The following KMT2A variants were observed in gnomAD, a reference collection of about 807,000 sequenced individuals.
KMT2A encodes lysine methyltransferase 2A, also known as histone-lysine N-methyltransferase 2A.
In KMT2A, 16 loss-of-function variants were observed where a neutral mutation model predicts 345.3. The ratio of observed to expected loss-of-function variants is 0.05; its 90% CI spans 0.03 to 0.07. The LOEUF (loss-of-function observed/expected upper bound fraction) is 0.07, where lower values mean the gene tolerates loss of function less well. Ranked by LOEUF, KMT2A falls within the 10% of genes least tolerant of loss-of-function variation. The pLI is 1.00. For synonymous variants in KMT2A, 1,599 were observed against 1,778.6 expected (o/e 0.90, Z 2.54); for missense variants, 3,272 against 4,841.6 (o/e 0.68, Z 9.62).
In KMT2A at chr11:118,502,616, A is replaced by C; in HGVS notation, c.6724A>C (p.Ser2242Arg). The C allele has an allele frequency of 1.2e-6, 2 of 1,614,190 alleles. No homozygotes were observed. The highest frequency in any genetic ancestry group is 1.7e-6 in the Non-Finnish European group (2 of 1,180,028). ...TTGTATDLES[S>R]AKVVDHVLGP... ...CGGGACCGCTACTGATCTTGAATCA[A>C]GTGCCAAAGTAGTTGATCATGTCTT... is the stretch of plus-strand genomic sequence containing the variant. The change falls in exon 27 of 36, where the codon AGT (serine) becomes CGT (arginine). Residue 2242 changes from serine (S) to arginine (R), a missense_variant. Ser to Arg is a moderately radical substitution (Grantham distance 110). Transcript: ENST00000534358. The surrounding 1 kb of genome is among the most constrained non-coding windows in gnomAD (Gnocchi z 4.9).
chr11:118,520,511 C>T lies in KMT2A; in HGVS notation c.11430-291C>T. On this transcript the variant is annotated intron_variant, in intron 33 of 35. Coordinates refer to ENST00000534358, the MANE Select transcript of KMT2A (RefSeq NM_001197104.2). This position sits in a 1 kb window ranked among gnomAD's most constrained non-coding sequence, Gnocchi z 4.3. ...ACTAAAAATACAAAAATTAGCCCGG[C>T]GTGGTGGCGCGCGCCTGTAGTCCCA... 3 of 385,652 alleles carry T rather than the reference C, an allele frequency of 7.8e-6. No individual in the cohort carries two copies. The highest frequency in any genetic ancestry group is 3.9e-5 in the Admixed American group (1 of 25,406). 23.9% of individuals were successfully genotyped at this position (385,652 alleles called of 1,614,324 possible).
chr11:118,497,794 A>T lies in KMT2A; in HGVS notation c.5665-142A>T, dbSNP rs1950433611. 4.8e-6 allele frequency: 3 copies of T among 624,040 alleles called. No homozygotes were observed. The highest frequency in any genetic ancestry group is 8.4e-6 in the Non-Finnish European group (3 of 358,606). The allele number at this position is 624,040 out of a possible 1,614,324, so 38.7% of individuals were successfully genotyped here. On this transcript the variant is annotated intron_variant, in intron 20 of 35. Transcript: ENST00000534358. The surrounding 1 kb of genome is among the most constrained non-coding windows in gnomAD (Gnocchi z 4.8). ...GGAAACAGAGCAACGTTGCAAAAAG[A>T]ATTCTGATTTCTGTGTGCCTCCCTC...
chr11:118,511,181 C>T (rs1471011449), intron 30 of KMT2A, among the ~76,000 whole-genome samples: 2 of 152,002 alleles, frequency 1.3e-5, no homozygotes, highest in East Asian at 3.9e-4. Context: ...TGGAGATGCT[C>T]AAAGACGAGA....
In KMT2A at chr11:118,503,744, A is replaced by C; in HGVS notation, c.7852A>C (p.Arg2618=). 1 of 1,614,176 alleles carries C rather than the reference A, an allele frequency of 6.2e-7. No homozygotes were observed. Among genetic ancestry groups the C allele is most frequent in the South Asian group, 1.1e-5 (1 of 91,076 alleles). ...TCAGGAGGATGGCTCTTTTAAAAGG[A>C]GGTATCCCCGTCGCAGTGCCCGTGC... The part of the protein sequence containing the change: ...KPQEDGSFKR[R]YPRRSARARS... Residue 2618 remains arginine (R), a synonymous_variant, in exon 27 of 36, where the codon AGG becomes CGG. Transcript: ENST00000534358. The surrounding 1 kb of genome is among the most constrained non-coding windows in gnomAD (Gnocchi z 5.3).
chr11:118,473,752 G>A lies in KMT2A; in HGVS notation c.2593G>A (p.Asp865Asn). 1 of 1,613,982 alleles carries A rather than the reference G, an allele frequency of 6.2e-7. No homozygotes were observed. The highest frequency in any genetic ancestry group is 8.5e-7 in the Non-Finnish European group (1 of 1,179,920). Residue 865 changes from aspartate (D) to asparagine (N), a missense_variant, in exon 3 of 36, where the codon GAC (aspartate) becomes AAC (asparagine). Coordinates refer to ENST00000534358, the MANE Select transcript of KMT2A (RefSeq NM_001197104.2). This position sits in a 1 kb window ranked among gnomAD's most constrained non-coding sequence, Gnocchi z 5.2. ...GGAGCTGTCCAAAGATCGAGATGCT[G>A]ACAAGAGCGTGGAGAAGGACAAGAG... ...PEELSKDRDA[D>N]KSVEKDKSRE...
chr11:118,489,659 T>C, intron 11 of KMT2A, 133 bp from the exon 12 acceptor site: 2 of 686,318 alleles, frequency 2.9e-6, no homozygotes, highest in South Asian at 3.6e-5. Context: ...GAGTAAATAA[T>C]GTATGAGGAA....
At position 118,504,351 on chromosome 11, in the gene KMT2A, A is replaced by G. The variant is rs1555047216; in HGVS notation, c.8459A>G (p.Asp2820Gly). 6.2e-7 allele frequency: 1 copy of G among 1,614,218 alleles called. No individual in the cohort carries two copies. Among genetic ancestry groups the G allele is most frequent in the Admixed American group, 1.7e-5 (1 of 60,026 alleles). The change falls in exon 27 of 36, where the codon GAC becomes GGC. Residue 2820 changes from aspartate to glycine, a missense_variant. Physicochemically the swap from Asp to Gly is moderately conservative, Grantham distance 94. Coordinates refer to ENST00000534358, the MANE Select transcript of KMT2A (RefSeq NM_001197104.2). This position sits in a 1 kb window ranked among gnomAD's most constrained non-coding sequence, Gnocchi z 6.4. Reference protein sequence around the residue: ...SRRVHTSTPSDKNLLDTYNTE... With the variant: ...SRRVHTSTPSGKNLLDTYNTE... Reference sequence around the variant, plus strand: ...AGAGTCCACACAAGTACCCCCTCCGACAAAAATTTACTGGACACCTATAAT... The same window carrying G: ...AGAGTCCACACAAGTACCCCCTCCGGCAAAAATTTACTGGACACCTATAAT...
intron 1 of KMT2A, among the ~76,000 whole-genome samples, chr11:118,457,170 T>C (rs1949659719): frequency 6.6e-6 from 1 of 151,572 alleles, no homozygotes; most frequent in Non-Finnish European, 1.5e-5. Flanking sequence ...TAATCTGCTA[T>C]AGCCTTCAGG....
rs1555043936 is a variant in KMT2A at position 118,496,310 on chromosome 11, C to T, written c.5607C>T (p.Gly1869=). Residue 1869 remains glycine (G), a synonymous_variant, in exon 20 of 36, where the codon GGC becomes GGT. Transcript: ENST00000534358. The surrounding 1 kb of genome is among the most constrained non-coding windows in gnomAD (Gnocchi z 4.7). ...EDSPELNPPP[G]IEDNRQCALC... ...GTCCAGAGCTGAACCCACCCCCAGG[C>T]ATAGAAGACAATAGACAGTGTGCGT... 6.2e-7 allele frequency: 1 copy of T among 1,613,882 alleles called. No homozygotes were observed. Among genetic ancestry groups the T allele is most frequent in the African/African-American group, 1.3e-5 (1 of 75,008 alleles).
rs2134400198 is a variant in KMT2A, at chr11:118,504,583, T to C, written c.8691T>C (p.Phe2897=). The change falls in exon 27 of 36, where the codon TTT becomes TTC. Residue 2897 remains phenylalanine, a synonymous_variant. Coordinates refer to ENST00000534358, the MANE Select transcript of KMT2A (RefSeq NM_001197104.2). The surrounding 1 kb of genome is among the most constrained non-coding windows in gnomAD (Gnocchi z 6.4). ...DSNREKDMGL[F]EVFSQQLPTT... ...ATCGTGAAAAAGACATGGGTCTTTT[T>C]GAAGTATTTTCTCAGCAGCTGCCTA... is the stretch of plus-strand genomic sequence containing the variant. 1 of 1,614,212 alleles carries C rather than the reference T, an allele frequency of 6.2e-7. No homozygotes were observed. The highest frequency in any genetic ancestry group is 8.5e-7 in the Non-Finnish European group (1 of 1,180,040).
intron 5 of KMT2A, 58 bp downstream of exon 5, chr11:118,478,259 A>G: frequency 7.5e-7 from 1 of 1,326,650 alleles, no homozygotes; most frequent in Non-Finnish European, 1.1e-6. Flanking sequence ...TTGCTTATTT[A>G]TCCCTAGTTT....
At position 118,505,693 on chromosome 11, in the gene KMT2A, T is replaced by C; in HGVS notation, c.9801T>C (p.Asn3267=). ...ACTTCACACCCTCCCAGCTTCCTAA[T>C]CATCCAAGTCTGTTAGATTTGGGGT... is the stretch of plus-strand genomic sequence containing the variant. ...LINFTPSQLP[N]HPSLLDLGSL... is the part of the protein sequence containing the mutation. Residue 3267 remains asparagine, a synonymous_variant, in exon 27 of 36, where the codon AAT becomes AAC. Coordinates refer to ENST00000534358, the MANE Select transcript of KMT2A (RefSeq NM_001197104.2). The surrounding 1 kb of genome is among the most constrained non-coding windows in gnomAD (Gnocchi z 4.6). 1 of 1,614,194 alleles carries C rather than the reference T, an allele frequency of 6.2e-7. No individual in the cohort carries two copies. The highest frequency in any genetic ancestry group is 8.5e-7 in the Non-Finnish European group (1 of 1,180,022).
chr11:118,455,308 C>T (rs1555030465), intron 1 of KMT2A, among the ~76,000 whole-genome samples: 1 of 152,134 alleles, frequency 6.6e-6, no homozygotes, highest in African/African-American at 2.4e-5. Context: ...CAAACAGTAC[C>T]TGGCAATACT....
At position 118,506,490 on chromosome 11, in the gene KMT2A, T is replaced by G. The variant is rs1187153915; in HGVS notation, c.10598T>G (p.Val3533Gly). 6.2e-7 allele frequency: 1 copy of G among 1,614,082 alleles called. No individual in the cohort carries two copies. The highest frequency in any genetic ancestry group is 8.5e-7 in the Non-Finnish European group (1 of 1,180,046). The change falls in exon 27 of 36, where the codon GTG (valine) becomes GGG (glycine). Residue 3533 changes from valine (V) to glycine (G), a missense_variant. Around this residue, in one of 27 missense-constraint regions of KMT2A, gnomAD observed 748 missense variants for 922.2 expected, o/e 0.81. Transcript: ENST00000534358. The part of the protein sequence containing the change: ...SSGQRSASPS[V>G]PGPTKPKPKT... The stretch of plus-strand genomic sequence containing the variant: ...GGACAGCGGTCAGCAAGCCCTTCAG[T>G]GCCGGGTCCCACTAAACCCAAACCA...
Position 118,521,185 on chromosome 11 carries a change from C to A in KMT2A, c.11514-103C>A. ...AATTTTTATTTTCTCAAGTATATGTCCCTCCTGGGGAACTAACAGACCAGG... is the reference window on the plus strand; with the variant it reads ...AATTTTTATTTTCTCAAGTATATGTACCTCCTGGGGAACTAACAGACCAGG... On this transcript the variant is annotated intron_variant, in intron 34 of 35. Transcript: ENST00000534358. The surrounding 1 kb of genome is among the most constrained non-coding windows in gnomAD (Gnocchi z 5.3). 1 of 1,272,492 alleles carries A rather than the reference C, an allele frequency of 7.9e-7. No homozygotes were observed. The highest frequency in any genetic ancestry group is 1.1e-6 in the Non-Finnish European group (1 of 905,090). The allele number at this position is 1,272,492 out of a possible 1,614,324, so 78.8% of individuals were successfully genotyped here.
chr11:118,483,390 C>T (rs985119237), intron 8 of KMT2A, among the ~76,000 whole-genome samples: 4 of 151,020 alleles, frequency 2.6e-5, no homozygotes, highest in African/African-American at 9.7e-5. Context: ...AAAATTAGCC[C>T]GGCGAGGTGG....
chr11:118,457,257 CTTTTTTTTT>C (rs782636684), intron 1 of KMT2A, among the ~76,000 whole-genome samples: 2 of 89,072 alleles, frequency 2.2e-5, no homozygotes, highest in Non-Finnish European at 4.1e-5. Context: ...CACCTCCTGC[CTTTTTTTTT>C]TTTTTTTTTT....
At chr11:118,461,768 T>A (rs1555032743) in intron 1 of KMT2A, among the ~76,000 whole-genome samples, 2 of 152,194 alleles carry the variant, frequency 1.3e-5, no homozygotes, top group Non-Finnish European at 1.5e-5. Flanking sequence ...TTGTCTTTTT[T>A]ATACACATAT....
Position 118,506,115 on chromosome 11 carries a change from T to G in KMT2A, c.10223T>G (p.Met3408Arg). Residue 3408 changes from methionine (M) to arginine (R), a missense_variant, in exon 27 of 36, where the codon ATG (methionine) becomes AGG (arginine). Met to Arg is a moderately conservative substitution (Grantham distance 91). This residue lies in a region of KMT2A where 748 missense variants were observed against 922.2 expected (regional missense o/e 0.81). Coordinates refer to ENST00000534358, the MANE Select transcript of KMT2A (RefSeq NM_001197104.2). The stretch of plus-strand genomic sequence containing the variant: ...GTGGCTTTACCGCCAAGTTCAGGAA[T>G]GTTTCCACAACTGGGGACATCACAG... ...QPVALPPSSG[M>R]FPQLGTSQTP... 1 of 1,614,214 alleles carries G rather than the reference T, an allele frequency of 6.2e-7. No homozygotes were observed. Among genetic ancestry groups the G allele is most frequent in the Non-Finnish European group, 8.5e-7 (1 of 1,180,048 alleles).
Sources: gnomAD v4.1 joint callset for allele counts (sites outside exome capture counted in the v4.1 genomes callset) on GRCh38, gnomAD v4.1.1 for gene constraint, gnomAD v4.1.1 regional missense constraint, Gnocchi (gnomAD v3.1) non-coding constraint, MANE v1.5 for transcripts, NCBI Gene and HGNC (gene_info 2026-07-23, HGNC 2026-07-21) for gene names.